Variants in ARID5A observed in about 807,000 individuals in gnomAD.
ARID5A encodes the protein AT-rich interaction domain 5A, also known as AT-rich interactive domain-containing protein 5A.
ARID5A carries 14 observed loss-of-function variants against 30.5 expected under a neutral mutation model. The ratio of observed to expected loss-of-function variants is 0.46; its 90% CI spans 0.30 to 0.72. The LOEUF (loss-of-function observed/expected upper bound fraction) is 0.72. Ranked by LOEUF, ARID5A falls within the 30% of genes least tolerant of loss-of-function variation. The probability of loss-of-function intolerance (pLI) is 0.07; values close to 1 mark genes in which losing one functional copy is unlikely to be tolerated. For missense variants in ARID5A, 669 were observed against 786.2 expected, an observed-to-expected ratio of 0.85 and a Z score of 1.78; for synonymous variants, 338 against 340.4, an observed-to-expected ratio of 0.99 and a Z score of 0.08.
chr2:96,551,242 C>T lies in ARID5A; in HGVS notation c.714C>T (p.Ala238=). Residue 238 remains alanine (A), a synonymous_variant, in exon 7 of 7, where the codon GCC becomes GCT. Coordinates refer to ENST00000357485, the MANE Select transcript of ARID5A (RefSeq NM_212481.3). ...SFVGASGCPE[A]YKRLLSSFYC... is the part of the protein sequence containing the mutation. ...TGGGTGCCAGCGGCTGTCCTGAGGC[C>T]TACAAGCGGCTCCTATCCAGCTTCT... 1 of 1,613,948 alleles carries T rather than the reference C, an allele frequency of 6.2e-7. No homozygotes were observed. Among genetic ancestry groups the T allele is most frequent in the Non-Finnish European group, 8.5e-7 (1 of 1,180,014 alleles).
At chr2:96,538,005 A>G (rs2065772752) in intron 1 of ARID5A, 1 of 985,452 alleles carries the variant, frequency 1.0e-6, no homozygotes, top group Non-Finnish European at 1.2e-6. Context: ...AGGCAACGCT[A>G]GAGCACAGGA....
At chr2:96,546,589 CA>C (rs1558617083) in intron 1 of ARID5A, among the ~76,000 whole-genome samples, 1 of 152,254 alleles carries the variant, frequency 6.6e-6, no homozygotes, top group Non-Finnish European at 1.5e-5. Flanking sequence ...GAGCCACAGG[CA>C]GTTCAGCCAG....
At chr2:96,538,134 G>A (rs1290313434) in intron 1 of ARID5A, 34 of 985,450 alleles carry the variant, frequency 3.5e-5, no homozygotes, top group Non-Finnish European at 4.0e-5. Context: ...AAGGGCCTCC[G>A]ATAATCTGCT....
Position 96,551,780 on chromosome 2 carries a change from G to C in ARID5A, c.1252G>C (p.Val418Leu). The change falls in exon 7 of 7, where the codon GTG (valine) becomes CTG (leucine). Residue 418 changes from valine to leucine, a missense_variant. Val to Leu is a conservative substitution (Grantham distance 32). Around this residue, in one of 4 missense-constraint regions of ARID5A, gnomAD observed 548 missense variants for 577.4 expected, o/e 0.95. Coordinates refer to ENST00000357485, the MANE Select transcript of ARID5A (RefSeq NM_212481.3). ...CTACCCCAAGCCCAAAGCCTGCTGG[G>C]TGTCCCCCATGGCCAAGGTCCCAGC... ...ILYPKPKACW[V>L]SPMAKVPAES... 1 of 1,539,448 alleles carries C rather than the reference G, an allele frequency of 6.5e-7. No individual in the cohort carries two copies. Among genetic ancestry groups the C allele is most frequent in the South Asian group, 1.3e-5 (1 of 78,524 alleles).
intron 2 of ARID5A, among the ~76,000 whole-genome samples, chr2:96,548,032 A>C (rs943396160): frequency 6.6e-6 from 1 of 152,204 alleles, no homozygotes; most frequent in Non-Finnish European, 1.5e-5. Context: ...GCTTGCCAGG[A>C]ATTCAGAATA....
Position 96,549,922 on chromosome 2 carries a change from C to A in ARID5A, c.312+117C>A, listed in dbSNP as rs1160316927. On this transcript the variant is annotated intron_variant, in intron 4 of 6. Transcript: ENST00000357485. This position sits in a 1 kb window ranked among gnomAD's most constrained non-coding sequence, Gnocchi z 6.1. ...GGATCCCCAGTCCTACCCCTGCGTC[C>A]CTGCCTCCCTGCCTTCCCCGCTGGT... 2 of 1,526,852 alleles carry A rather than the reference C, an allele frequency of 1.3e-6. No homozygotes were observed. The highest frequency in any genetic ancestry group is 1.8e-6 in the Non-Finnish European group (2 of 1,134,972). 94.6% of individuals were successfully genotyped at this position (1,526,852 alleles called of 1,614,324 possible).
rs902720789 is a variant in ARID5A, at chr2:96,551,602, C to A, written c.1074C>A (p.His358Gln). ...PTEVLKPVSQ[H>Q]PRDFFSRLKD... The stretch of plus-strand genomic sequence containing the variant: ...AGGTGCTGAAGCCTGTCAGCCAGCA[C>A]CCCAGGGACTTCTTCTCTAGACTTA... The change falls in exon 7 of 7, where the codon CAC (histidine) becomes CAA (glutamine). Residue 358 changes from histidine to glutamine, a missense_variant. By Grantham distance (24) the His-to-Gln change is conservative. Coordinates refer to ENST00000357485, the MANE Select transcript of ARID5A (RefSeq NM_212481.3). The A allele has an allele frequency of 7.0e-6, 11 of 1,564,464 alleles. No individual in the cohort carries two copies. Among genetic ancestry groups the A allele is most frequent in the Non-Finnish European group, 9.5e-6 (11 of 1,160,310 alleles).
chr2:96,542,136 C>G (rs2065856965), intron 1 of ARID5A, among the ~76,000 whole-genome samples: 1 of 152,194 alleles, frequency 6.6e-6, no homozygotes. Flanking sequence ...TAACCCTGAT[C>G]TGTGAATGAT....
intron 1 of ARID5A, among the ~76,000 whole-genome samples, chr2:96,542,959 C>A (rs2065870594): frequency 6.6e-6 from 1 of 152,180 alleles, no homozygotes; most frequent in South Asian, 2.1e-4. Context: ...TCTCCCATTT[C>A]ATAGCAGGGA....
chr2:96,551,186 G>C lies in ARID5A; in HGVS notation c.658G>C (p.Gly220Arg), dbSNP rs765210461. The change falls in exon 7 of 7, where the codon GGC becomes CGC. Residue 220 changes from glycine (G) to arginine (R), a missense_variant. Physicochemically the swap from Gly to Arg is moderately radical, Grantham distance 125 (BLOSUM62 -2). Transcript: ENST00000357485. The part of the protein sequence containing the change: ...EPPRNSTEQQ[G>R]LASGSSVSFV... ...CCCCAGGAACAGCACAGAACAGCAGGGCCTGGCCTCTGGGTCTTCTGTGTC... is the reference window on the plus strand; with the variant it reads ...CCCCAGGAACAGCACAGAACAGCAGCGCCTGGCCTCTGGGTCTTCTGTGTC... 6.2e-7 allele frequency: 1 copy of C among 1,613,856 alleles called. No homozygotes were observed. Among genetic ancestry groups the C allele is most frequent in the African/African-American group, 1.3e-5 (1 of 74,910 alleles).
chr2:96,552,119 ATCCCGGCCT>A lies in ARID5A; in HGVS notation c.1600_1608del (p.Phe534_Ala536del). ...TGCACTCCCCTTCAGCCCCCTGGTCATCCCGGCCTTCCCGGCCCACTTCCTGGCCACCGC... is the reference window on the plus strand; with the variant it reads ...TGCACTCCCCTTCAGCCCCCTGGTCATCCCGGCCCACTTCCTGGCCACCGC... On this transcript the variant is annotated inframe_deletion, in exon 7 of 7. Transcript: ENST00000357485. 1 of 1,610,770 alleles carries A rather than the reference ATCCCGGCCT, an allele frequency of 6.2e-7. No individual in the cohort carries two copies. Among genetic ancestry groups the A allele is most frequent in the Non-Finnish European group, 8.5e-7 (1 of 1,178,808 alleles).
At position 96,552,071 on chromosome 2, in the gene ARID5A, C is replaced by T. The variant is rs2066060572; in HGVS notation, c.1543C>T (p.Pro515Ser). The change falls in exon 7 of 7, where the codon CCG becomes TCG. Residue 515 changes from proline to serine, a missense_variant. Coordinates refer to ENST00000357485, the MANE Select transcript of ARID5A (RefSeq NM_212481.3). ...CTGCCCGCTGAACTTCACTGGCACC[C>T]CGGGCCCCTTGAAGGGCCAGGCTGC... ...LHCPLNFTGTPGPLKGQAALP... is the reference protein window; with the variant it reads ...LHCPLNFTGTSGPLKGQAALP... 6.3e-7 allele frequency: 1 copy of T among 1,587,390 alleles called. No individual in the cohort carries two copies. Among genetic ancestry groups the T allele is most frequent in the Non-Finnish European group, 8.6e-7 (1 of 1,166,254 alleles).
rs771609099 is a variant in ARID5A, at chr2:96,552,412, A to C, written c.*99A>C. On this transcript the variant is annotated 3_prime_UTR_variant, in exon 7 of 7. Coordinates refer to ENST00000357485, the MANE Select transcript of ARID5A (RefSeq NM_212481.3). ...TCTGAACTAGTGCCTGCTACCCAGG[A>C]CACCCGGGCCATGCCCCTGGCTGGG... 30 of 1,572,956 alleles carry C rather than the reference A, an allele frequency of 1.9e-5. No individual in the cohort carries two copies. Among genetic ancestry groups the C allele is most frequent in the Non-Finnish European group, 2.5e-5 (29 of 1,161,118 alleles).
chr2:96,544,122 A>G (rs2104678476), intron 1 of ARID5A, among the ~76,000 whole-genome samples: 1 of 152,356 alleles, frequency 6.6e-6, no homozygotes, highest in Admixed American at 6.5e-5. Context: ...TGCAGAAGAA[A>G]AGTTGGAAGC....
rs1035145071 is a variant in ARID5A, at chr2:96,539,008, C to G, written c.4+2178C>G. On this transcript the variant is annotated intron_variant, in intron 1 of 6. Coordinates refer to ENST00000357485, the MANE Select transcript of ARID5A (RefSeq NM_212481.3). The surrounding 1 kb of genome is among the most constrained non-coding windows in gnomAD (Gnocchi z 4.7). ...GCAACAGGGGTCTGTAAGTCCATTG[C>G]GCTCATCCTGCACCCAGGAGGCTGA... 6.6e-6 allele frequency among the ~76,000 whole-genome samples: 1 copy of G among 152,174 alleles called. No individual in the cohort carries two copies. Among genetic ancestry groups the G allele is most frequent in the East Asian group, 1.9e-4 (1 of 5,194 alleles).
Position 96,552,050 on chromosome 2 carries a change from CCGCTGAACTT to C in ARID5A, c.1524_1533del (p.Asn510AlafsTer6), listed in dbSNP as rs1475324095. ...CTACAGGGGCACCATGCTGCACTGC[CCGCTGAACTT>C]CACTGGCACCCCGGGCCCCTTGAAG... On this transcript the variant is annotated frameshift_variant, in exon 7 of 7. Transcript: ENST00000357485. LOFTEE classifies it high-confidence loss of function. The C allele has an allele frequency of 1.3e-6, 2 of 1,570,390 alleles. No individual in the cohort carries two copies. The highest frequency in any genetic ancestry group is 1.7e-6 in the Non-Finnish European group (2 of 1,157,862).
At chr2:96,538,493 G>C (rs2065784589) in intron 1 of ARID5A, among the ~76,000 whole-genome samples, 1 of 152,186 alleles carries the variant, frequency 6.6e-6, no homozygotes. Context: ...GCTGTGGCTT[G>C]AGCTGCACCT....
chr2:96,548,154 G>A (rs1283068384), intron 2 of ARID5A, among the ~76,000 whole-genome samples: 2 of 152,166 alleles, frequency 1.3e-5, no homozygotes, highest in African/African-American at 4.8e-5. Context: ...GGTGATATGT[G>A]AGTTCCTATG....
intron 2 of ARID5A, among the ~76,000 whole-genome samples, chr2:96,547,805 A>G (rs917359147): frequency 2.0e-5 from 3 of 152,266 alleles, no homozygotes; most frequent in African/African-American, 7.2e-5. Context: ...ACATCCATTC[A>G]TTCAGATGCA....
Sources: allele counts gnomAD v4.1 joint callset (sites outside exome capture counted in the v4.1 genomes callset), GRCh38; gene constraint gnomAD v4.1.1; regional missense constraint gnomAD v4.1.1; non-coding constraint Gnocchi (gnomAD v3.1); transcripts MANE v1.5; gene names NCBI Gene and HGNC (gene_info 2026-07-23, HGNC 2026-07-21).